Variants in H2AZ2 observed in about 807,000 individuals in gnomAD.
The protein encoded by H2AZ2 is H2A.Z variant histone 2.
In H2AZ2, 5 loss-of-function variants were observed where a neutral mutation model predicts 15.5. That is an observed-to-expected ratio of 0.32 (90% CI 0.17 to 0.68). H2AZ2 has a LOEUF of 0.68. Among genes scored for constraint, H2AZ2 ranks in the 30% least tolerant of loss-of-function variants. The probability of loss-of-function intolerance (pLI) is 0.72; values close to 1 mark genes in which losing one functional copy is unlikely to be tolerated. For synonymous variants in H2AZ2, 44 were observed against 57.4 expected, an observed-to-expected ratio of 0.77 and a Z score of 1.05; for missense variants, 42 against 162.5, an observed-to-expected ratio of 0.26 and a Z score of 4.03.
intron 3 of H2AZ2, among the ~76,000 whole-genome samples, chr7:44,838,788 A>G (rs556741067): frequency 6.6e-6 from 1 of 152,312 alleles, no homozygotes; most frequent in Admixed American, 6.5e-5. Flanking sequence ...GAGACTAATG[A>G]AATAAATGAC....
rs567465265 is a variant in H2AZ2, at chr7:44,834,505, G to C, written c.383C>G (p.Ala128Gly). The C allele has an allele frequency of 2.5e-6, 4 of 1,610,270 alleles. No individual in the cohort carries two copies. The South Asian group carries it at 4.4e-5, about 18-fold the overall frequency. Residue 128 changes from alanine to glycine, a missense_variant, in exon 5 of 5, where the codon GCT becomes GGT. Physicochemically the swap from Ala to Gly is moderately conservative, Grantham distance 60. Coordinates refer to ENST00000308153, the MANE Select transcript of H2AZ2 (RefSeq NM_012412.5). ...AGGGTTGGTTAAAGCATCCCTCTAA[G>C]CAGTTTTCTGCTGTCCCTTCTTTCC... ...LIGKKGQQKT[A>G]
intron 3 of H2AZ2, 72 bp from the exon 4 acceptor site, chr7:44,835,730 G>T: frequency 7.3e-7 from 1 of 1,367,616 alleles, no homozygotes; most frequent in Non-Finnish European, 9.9e-7. Context: ...CTTAGCATTT[G>T]TACATACAAA....
At chr7:44,835,954 T>C (rs1373136438) in intron 3 of H2AZ2, among the ~76,000 whole-genome samples, 9 of 111,682 alleles carry the variant, frequency 8.1e-5, no homozygotes, top group Non-Finnish European at 1.5e-4. Context: ...TTTAGAAAAG[T>C]CTTTTTTTTT....
At chr7:44,831,864 TATCA>T (rs540782284), downstream of H2AZ2, among the ~76,000 whole-genome samples, 15 of 152,284 alleles carry the variant, frequency 9.9e-5, no homozygotes, top group South Asian at 3.1e-3. Flanking sequence ...CCAAACCCAC[TATCA>T]ATCTTAATGT....
chr7:44,847,495 G>A (rs974953044), intron 1 of H2AZ2, among the ~76,000 whole-genome samples: 1 of 152,124 alleles, frequency 6.6e-6, no homozygotes, highest in African/African-American at 2.4e-5. Context: ...TCGCTCAAAA[G>A]ACCACAAATA....
At position 44,833,322 on chromosome 7, in the gene H2AZ2, T is replaced by A. The variant is rs933761461; in HGVS notation, c.*1179A>T. Among the ~76,000 whole-genome samples the A allele has an allele frequency of 6.6e-6, 1 of 152,170 alleles. No homozygotes were observed. The highest frequency in any genetic ancestry group is 1.5e-5 in the Non-Finnish European group (1 of 68,040). ...ATCTTGGCTCACTGCAAGCTCCGCC[T>A]CCCGGGTTCACGTCATTCTCATGCC... On this transcript the variant is annotated 3_prime_UTR_variant, in exon 5 of 5. Coordinates refer to ENST00000308153, the MANE Select transcript of H2AZ2 (RefSeq NM_012412.5).
In H2AZ2 at chr7:44,833,710, G is replaced by T. The variant is rs1245329318; in HGVS notation, c.*791C>A. The T allele has an allele frequency of 9.1e-6, 9 of 984,912 alleles. No homozygotes were observed. The highest frequency in any genetic ancestry group is 1.1e-5 in the Non-Finnish European group (9 of 829,574). The allele number at this position is 984,912 out of a possible 1,614,324, so 61.0% of individuals were successfully genotyped here. On this transcript the variant is annotated 3_prime_UTR_variant, in exon 5 of 5. Transcript: ENST00000308153. ...TTGATAAACTGAACATCAATTCCAG[G>T]TAAAACTAGGCTCTGGAGTCAGCCA... is the stretch of plus-strand genomic sequence containing the variant.
At chr7:44,846,062 C>CACACAGAGAGAGAGAGAGAGAG (rs57468916) in intron 1 of H2AZ2, among the ~76,000 whole-genome samples, 1 of 75,060 alleles carries the variant, frequency 1.3e-5, no homozygotes. Flanking sequence ...CACACACACA[C>CACACAGAGAGAGAGAGAGAGAG]AGAGAGAGAC....
chr7:44,840,923 C>T lies in H2AZ2; in HGVS notation c.171G>A (p.Ala57=), dbSNP rs753589092. The part of the protein sequence containing the change: ...VGATAAVYSA[A]ILEYLTAEVL... ...CCTCTGCAGTGAGGTACTCCAGAAT[C>T]GCAGCACTGTACACGGCAGCAGTGG... Residue 57 remains alanine (A), a synonymous_variant, in exon 3 of 5, where the codon GCG becomes GCA. Coordinates refer to ENST00000308153, the MANE Select transcript of H2AZ2 (RefSeq NM_012412.5). 39 of 1,613,844 alleles carry T rather than the reference C, an allele frequency of 2.4e-5. No homozygotes were observed. Among genetic ancestry groups the T allele is most frequent in the East Asian group, 2.2e-4 (10 of 44,896 alleles).
chr7:44,846,134 T>G (rs112751334), intron 1 of H2AZ2, among the ~76,000 whole-genome samples: 198 of 151,870 alleles, frequency 1.3e-3, no homozygotes, highest in African/African-American at 4.3e-3. Context: ...ACTTGCAAAC[T>G]GGATACTAAG....
At chr7:44,829,772 C>T (rs1255236599), downstream of H2AZ2, 1 of 179,828 alleles carries the variant, frequency 5.6e-6, no homozygotes, top group African/African-American at 2.4e-5. Context: ...ATAACCCTTT[C>T]ACTCCCAGGT....
In H2AZ2 at chr7:44,833,776, C is replaced by T. The variant is rs780268013; in HGVS notation, c.*725G>A. ...CCTAGCTCTGTCATTTTCTATCTAC[C>T]AGTTCAATGTTTTTTGGCATAGCAC... is the stretch of plus-strand genomic sequence containing the variant. On this transcript the variant is annotated 3_prime_UTR_variant, in exon 5 of 5. Transcript: ENST00000308153. The T allele has an allele frequency of 2.3e-5, 18 of 777,434 alleles. No homozygotes were observed. Among genetic ancestry groups the T allele is most frequent in the Admixed American group, 6.2e-5 (1 of 16,058 alleles). 48.2% of individuals were successfully genotyped at this position (777,434 alleles called of 1,614,324 possible).
At chr7:44,839,458 C>T (rs770936015) in intron 3 of H2AZ2, among the ~76,000 whole-genome samples, 31 of 151,656 alleles carry the variant, frequency 2.0e-4, no homozygotes, top group South Asian at 6.2e-4. Flanking sequence ...GGGTGGCTCA[C>T]GAGGTCAGGA....
At chr7:44,846,162 T>A (rs1793401267) in intron 1 of H2AZ2, among the ~76,000 whole-genome samples, 1 of 152,224 alleles carries the variant, frequency 6.6e-6, no homozygotes, top group Middle Eastern at 3.4e-3. Context: ...CATGTCAGTT[T>A]TAACAGACAT....
In H2AZ2 at chr7:44,840,924, G is replaced by C; in HGVS notation, c.170C>G (p.Ala57Gly). The change falls in exon 3 of 5, where the codon GCG becomes GGG. Residue 57 changes from alanine to glycine, a missense_variant. Ala to Gly is a moderately conservative substitution (Grantham distance 60, BLOSUM62 0). Transcript: ENST00000308153. ...CTCTGCAGTGAGGTACTCCAGAATC[G>C]CAGCACTGTACACGGCAGCAGTGGC... ...VGATAAVYSA[A>G]ILEYLTAEVL... The C allele has an allele frequency of 6.2e-7, 1 of 1,613,938 alleles. No individual in the cohort carries two copies. The highest frequency in any genetic ancestry group is 8.5e-7 in the Non-Finnish European group (1 of 1,179,860).
At chr7:44,842,957 G>C (rs567731448) in intron 2 of H2AZ2, among the ~76,000 whole-genome samples, 1 of 151,712 alleles carries the variant, frequency 6.6e-6, no homozygotes, top group Non-Finnish European at 1.5e-5. Flanking sequence ...TGGCCAACAT[G>C]GTGAAATCCC....
intron 1 of H2AZ2, among the ~76,000 whole-genome samples, chr7:44,846,334 T>C (rs1458311079): frequency 6.6e-6 from 1 of 152,136 alleles, no homozygotes; most frequent in African/African-American, 2.4e-5. Flanking sequence ...AAAACTAGAA[T>C]TGGCCGTGCG....
At chr7:44,830,387 A>G (rs960517140), downstream of H2AZ2, among the ~76,000 whole-genome samples, 2 of 152,230 alleles carry the variant, frequency 1.3e-5, no homozygotes, top group African/African-American at 4.8e-5. Context: ...ATAGGCACCA[A>G]AGCAAGTCAC....
chr7:44,842,902 AGG>A (rs1394649388), intron 2 of H2AZ2, among the ~76,000 whole-genome samples: 1 of 152,022 alleles, frequency 6.6e-6, no homozygotes, highest in South Asian at 2.1e-4. Context: ...GCCCTCTGGG[AGG>A]CTGAGGCAGG....
Sources: allele counts gnomAD v4.1 joint callset (sites outside exome capture counted in the v4.1 genomes callset), GRCh38; gene constraint gnomAD v4.1.1; transcripts MANE v1.5; gene names NCBI Gene and HGNC (gene_info 2026-07-23, HGNC 2026-07-21).